The following IGSF10 variants were observed in gnomAD, a reference collection of about 807,000 sequenced individuals.
The protein encoded by IGSF10 is calvaria mechanical force protein 608.
IGSF10 carries 126 observed loss-of-function variants against 128.2 expected under a neutral mutation model. The observed-to-expected ratio is 0.98, with a 90% CI of 0.85 to 1.14. The LOEUF (loss-of-function observed/expected upper bound fraction) is 1.14, where lower values mean the gene tolerates loss of function less well. IGSF10 is among the 50% of genes most tolerant of loss of function. The pLI, the probability that IGSF10 is intolerant of heterozygous loss-of-function variation, is 0.00. For missense variants in IGSF10, 3,295 were observed against 3,149.8 expected (o/e 1.05, Z -1.10); for synonymous variants, 1,185 against 1,146.2 (o/e 1.03, Z -0.68).
intron 7 of IGSF10, chr3:151,440,882 T>C (rs565163121): frequency 8.7e-6 from 2 of 230,934 alleles, no homozygotes; most frequent in Non-Finnish European, 1.8e-5. Flanking sequence ...ATTACATGGG[T>C]CGAGTTTAAG....
chr3:151,492,460 A>G, the IGSF10 span, among the ~76,000 whole-genome samples: 5 of 151,582 alleles, frequency 3.3e-5, no homozygotes, highest in African/African-American at 1.2e-4. Context: ...TTTTCTGAAA[A>G]TATTAAAATT....
the IGSF10 span, among the ~76,000 whole-genome samples, chr3:151,513,882 G>T: frequency 6.6e-6 from 1 of 152,144 alleles, no homozygotes; most frequent in Non-Finnish European, 1.5e-5. Flanking sequence ...TTGCCTCAAA[G>T]AGAATAAAAT....
chr3:151,568,651 G>A, the IGSF10 span, among the ~76,000 whole-genome samples: 1 of 152,206 alleles, frequency 6.6e-6, no homozygotes, highest in Middle Eastern at 3.4e-3. Context: ...CATCATGGTG[G>A]GGGAGGATTT....
chr3:151,445,044 T>A lies in IGSF10; in HGVS notation c.4937A>T (p.Glu1646Val). ...TTTTCCTCCAACTATCCTGGGCTTT[T>A]CAAATATATACCTAGACAAAGAGTC... ...PFDSLSRYIF[E>V]KPRIVGGKAA... The change falls in exon 6 of 8, where the codon GAA becomes GTA. Residue 1646 changes from glutamate (E) to valine (V), a missense_variant. Glu to Val is a moderately radical substitution (Grantham distance 121). Transcript: ENST00000282466. 6.2e-7 allele frequency: 1 copy of A among 1,614,204 alleles called. No individual in the cohort carries two copies. The highest frequency in any genetic ancestry group is 8.5e-7 in the Non-Finnish European group (1 of 1,180,032).
At chr3:151,563,437 T>C in the IGSF10 span, among the ~76,000 whole-genome samples, 1 of 152,158 alleles carries the variant, frequency 6.6e-6, no homozygotes, top group East Asian at 1.9e-4. Context: ...AGCTAAGGAC[T>C]CTAGGGAGAG....
the IGSF10 span, among the ~76,000 whole-genome samples, chr3:151,491,242 C>G: frequency 5.3e-4 from 81 of 152,164 alleles, no homozygotes; most frequent in African/African-American, 1.9e-3. Context: ...CATTGAATAA[C>G]CTAGAGCAAA....
At chr3:151,444,555 C>T (rs1337206343) in intron 6 of IGSF10, among the ~76,000 whole-genome samples, 1 of 152,132 alleles carries the variant, frequency 6.6e-6, no homozygotes, top group African/African-American at 2.4e-5. Context: ...GGTAATCCAC[C>T]CACCTTGGCC....
At chr3:151,539,117 A>C in the IGSF10 span, among the ~76,000 whole-genome samples, 1 of 152,196 alleles carries the variant, frequency 6.6e-6, no homozygotes, top group Non-Finnish European at 1.5e-5. Flanking sequence ...GTAAGGCTAG[A>C]CCTGCAAATA....
the IGSF10 span, among the ~76,000 whole-genome samples, chr3:151,511,156 T>A: frequency 6.6e-6 from 1 of 152,002 alleles, no homozygotes; most frequent in Non-Finnish European, 1.5e-5. Context: ...CCAAGACACA[T>A]AATTGTCAGA....
At chr3:151,549,396 G>T in the IGSF10 span, among the ~76,000 whole-genome samples, 1 of 152,182 alleles carries the variant, frequency 6.6e-6, no homozygotes, top group African/African-American at 2.4e-5. Flanking sequence ...TTGTTTAGCT[G>T]CATGGACTTG....
At chr3:151,466,432 A>G in the IGSF10 span, among the ~76,000 whole-genome samples, 1 of 152,186 alleles carries the variant, frequency 6.6e-6, no homozygotes, top group African/African-American at 2.4e-5. Context: ...GATTGAATTC[A>G]ATTAGAGGCC....
At chr3:151,553,752 G>A in the IGSF10 span, among the ~76,000 whole-genome samples, 1 of 151,648 alleles carries the variant, frequency 6.6e-6, no homozygotes, top group Non-Finnish European at 1.5e-5. Flanking sequence ...CATTCCTCAA[G>A]TTTTTCAAAA....
chr3:151,573,339 C>T, the IGSF10 span, among the ~76,000 whole-genome samples: 2 of 152,114 alleles, frequency 1.3e-5, no homozygotes, highest in Non-Finnish European at 2.9e-5. Context: ...ATTAAAGTCT[C>T]GCATTATTAT....
chr3:151,552,619 A>C, the IGSF10 span, among the ~76,000 whole-genome samples: 1 of 152,170 alleles, frequency 6.6e-6, no homozygotes, highest in Non-Finnish European at 1.5e-5. Context: ...TGGATGATGT[A>C]AGTCAGGTCA....
chr3:151,449,740 A>G (rs9824609), intron 5 of IGSF10, among the ~76,000 whole-genome samples: 108,292 of 152,092 alleles, frequency 0.71, 38,641 homozygotes, highest in Middle Eastern at 0.86. Context: ...GTATCATTAA[A>G]AAACCCAAGT....
At chr3:151,528,773 T>C in the IGSF10 span, among the ~76,000 whole-genome samples, 2 of 150,992 alleles carry the variant, frequency 1.3e-5, no homozygotes. Flanking sequence ...AGTGGCTGTT[T>C]GGGCAGACAC....
At chr3:151,573,340 G>A in the IGSF10 span, among the ~76,000 whole-genome samples, 312 of 152,104 alleles carry the variant, frequency 2.1e-3, no homozygotes, top group Admixed American at 4.6e-3. Flanking sequence ...TTAAAGTCTC[G>A]CATTATTATT....
the IGSF10 span, among the ~76,000 whole-genome samples, chr3:151,565,346 A>G: frequency 6.6e-6 from 1 of 152,174 alleles, no homozygotes; most frequent in Non-Finnish European, 1.5e-5. Flanking sequence ...TCATAATATA[A>G]AATCACCAGT....
chr3:151,463,543 T>TTG (rs1722158605), upstream of IGSF10, among the ~76,000 whole-genome samples: 46 of 106,570 alleles, frequency 4.3e-4, no homozygotes, highest in Non-Finnish European at 7.5e-4. Context: ...TTTTTTTTTT[T>TTG]TTTTTTTTTT....
Sources: gnomAD v4.1 joint callset for allele counts (sites outside exome capture counted in the v4.1 genomes callset) on GRCh38, gnomAD v4.1.1 for gene constraint, MANE v1.5 for transcripts, NCBI Gene and HGNC (gene_info 2026-07-23, HGNC 2026-07-21) for gene names.